ADGRL3: variants seen among roughly 807,000 people sequenced by gnomAD.
ADGRL3 encodes the protein calcium-independent alpha-latrotoxin receptor 3.
Under a neutral mutation model 153.5 loss-of-function variants are expected in ADGRL3, and 62 were observed. The observed-to-expected ratio is 0.40, with a 90% CI of 0.33 to 0.50. ADGRL3 has a LOEUF of 0.50. Among genes scored for constraint, ADGRL3 ranks in the 20% least tolerant of loss-of-function variants. The pLI is 0.47. For missense variants in ADGRL3, 1,641 were observed against 1,859.4 expected, an observed-to-expected ratio of 0.88 and a Z score of 2.16; for synonymous variants, 710 against 672.5, an observed-to-expected ratio of 1.06 and a Z score of -0.86.
chr4:62,019,530 T>A (rs942973026), intron 21 of ADGRL3, among the ~76,000 whole-genome samples: 2 of 152,144 alleles, frequency 1.3e-5, no homozygotes, highest in African/African-American at 4.8e-5. Flanking sequence ...TTTGTTTAAA[T>A]GTTCTATAAT....
At chr4:61,991,396 G>A (rs1021347276) in intron 19 of ADGRL3, among the ~76,000 whole-genome samples, 2 of 151,760 alleles carry the variant, frequency 1.3e-5, no homozygotes, top group African/African-American at 4.8e-5. Flanking sequence ...ACATTTAGTA[G>A]TATTAATAAA....
At chr4:61,296,920 T>C (rs574608448) in intron 1 of ADGRL3, among the ~76,000 whole-genome samples, 1 of 152,302 alleles carries the variant, frequency 6.6e-6, no homozygotes, top group East Asian at 1.9e-4. Flanking sequence ...AATGCATTAC[T>C]ATGATATATT....
intron 4 of ADGRL3, among the ~76,000 whole-genome samples, chr4:61,529,866 A>T (rs1228071460): frequency 1.3e-5 from 2 of 152,172 alleles, no homozygotes; most frequent in African/African-American, 4.8e-5. Context: ...TTTAAAAGTA[A>T]AGAAACTAAA....
At chr4:61,333,817 T>A (rs1010134104) in intron 1 of ADGRL3, among the ~76,000 whole-genome samples, 7 of 152,146 alleles carry the variant, frequency 4.6e-5, no homozygotes, top group Non-Finnish European at 1.0e-4. Flanking sequence ...AGGCTCACTA[T>A]GTTGCCCAGG....
At chr4:61,329,944 C>A (rs2095538620) in intron 1 of ADGRL3, among the ~76,000 whole-genome samples, 1 of 152,104 alleles carries the variant, frequency 6.6e-6, no homozygotes, top group Non-Finnish European at 1.5e-5. Flanking sequence ...CCTTGAGGGC[C>A]TGGAATCAAG....
intron 2 of ADGRL3, among the ~76,000 whole-genome samples, chr4:61,392,708 A>AAAAAAAAATT (rs1560565678): frequency 2.2e-5 from 2 of 92,800 alleles, no homozygotes; most frequent in Admixed American, 3.5e-4. Context: ...AAAAAAAAAG[A>AAAAAAAAATT]AAAAGGAAAA....
chr4:61,741,412 T>G (rs1199089131), intron 8 of ADGRL3, among the ~76,000 whole-genome samples: 1 of 152,248 alleles, frequency 6.6e-6, no homozygotes, highest in Non-Finnish European at 1.5e-5. Context: ...TTCAGCCCTA[T>G]CTGTATTTTT....
In ADGRL3 at chr4:61,746,385, C is replaced by A. The variant is rs899632184; in HGVS notation, c.1399+12831C>A. 8.5e-5 allele frequency among the ~76,000 whole-genome samples: 13 copies of A among 152,122 alleles called. 1 individual carries two copies. The highest frequency in any genetic ancestry group is 3.1e-4 in the African/African-American group (13 of 41,402). The stretch of plus-strand genomic sequence containing the variant: ...ATACCCATCTACAGAACTCTCCACC[C>A]CAAATCAACAGAATATACATTTTTT... On this transcript the variant is annotated intron_variant, in intron 8 of 26. Coordinates refer to ENST00000683033, the MANE Select transcript of ADGRL3 (RefSeq NM_001387552.1).
chr4:61,787,093 T>A (rs2097285289), intron 8 of ADGRL3, among the ~76,000 whole-genome samples: 1 of 152,052 alleles, frequency 6.6e-6, no homozygotes, highest in African/African-American at 2.4e-5. Context: ...CCTTGAGAGG[T>A]TGCTAGAAGC....
rs1581684634 is a variant in ADGRL3 at position 61,969,964 on chromosome 4, G to A, written c.2806-9599G>A. The stretch of plus-strand genomic sequence containing the variant: ...TGAAATCTGAGGCTTTTTATGTCTT[G>A]GAGAAGGGTTTTCCAGAAAGCAAAA... On this transcript the variant is annotated intron_variant, in intron 17 of 26. Coordinates refer to ENST00000683033, the MANE Select transcript of ADGRL3 (RefSeq NM_001387552.1). Among the ~76,000 whole-genome samples, 4 of 152,096 alleles carry A rather than the reference G, an allele frequency of 2.6e-5. No homozygotes were observed. In the South Asian group the frequency reaches 6.2e-4, roughly 24 times the overall value.
rs189476346 is a variant in ADGRL3 at position 61,543,976 on chromosome 4, T to A, written c.259+26458T>A. On this transcript the variant is annotated intron_variant, in intron 4 of 26. Coordinates refer to ENST00000683033, the MANE Select transcript of ADGRL3 (RefSeq NM_001387552.1). ...TCTGCTCATATTAGTCCACTCTGTG[T>A]TTGTATCACAGTCTACTTATGTGAT... is the stretch of plus-strand genomic sequence containing the variant. 1.6e-4 allele frequency among the ~76,000 whole-genome samples: 24 copies of A among 152,324 alleles called. No homozygotes were observed. In the East Asian group the frequency reaches 4.4e-3, roughly 28 times the overall value.
chr4:61,946,979 A>C lies in ADGRL3; in HGVS notation c.2485A>C (p.Ser829Arg), dbSNP rs546934270. 6.2e-7 allele frequency: 1 copy of C among 1,613,870 alleles called. No individual in the cohort carries two copies. Among genetic ancestry groups the C allele is most frequent in the African/African-American group, 1.3e-5 (1 of 75,044 alleles). Reference sequence around the variant, plus strand: ...TCCTTATTTATCCACGGAGAATGCCAGTATGAAGTTGGGAACGGAAGCTTT... The same window carrying C: ...TCCTTATTTATCCACGGAGAATGCCCGTATGAAGTTGGGAACGGAAGCTTT... ...LGPYLSTENA[S>R]MKLGTEALST... is the part of the protein sequence containing the mutation. Residue 829 changes from serine to arginine, a missense_variant, in exon 16 of 27, where the codon AGT (serine) becomes CGT (arginine). Ser to Arg is a moderately radical substitution (Grantham distance 110). This residue lies in a region of ADGRL3 where 734 missense variants were observed against 797.0 expected (regional missense o/e 0.92). Coordinates refer to ENST00000683033, the MANE Select transcript of ADGRL3 (RefSeq NM_001387552.1).
At chr4:61,454,608 A>G (rs748275380) in intron 2 of ADGRL3, among the ~76,000 whole-genome samples, 1 of 152,144 alleles carries the variant, frequency 6.6e-6, no homozygotes, top group African/African-American at 2.4e-5. Flanking sequence ...CTTATTTTGC[A>G]TATAGTCTGT....
intron 17 of ADGRL3, 71 bp from the exon 18 acceptor site, chr4:61,979,492 C>G: frequency 8.2e-7 from 1 of 1,215,234 alleles, no homozygotes. Context: ...CTTTGTGCAT[C>G]CAGGCCCTTA....
intron 9 of ADGRL3, among the ~76,000 whole-genome samples, chr4:61,831,248 A>G (rs1021449583): frequency 6.6e-6 from 1 of 151,994 alleles, no homozygotes; most frequent in Non-Finnish European, 1.5e-5. Context: ...GACAACTTTC[A>G]TAGTATCATT....
At chr4:61,561,331 A>G (rs555567081) in intron 4 of ADGRL3, among the ~76,000 whole-genome samples, 2 of 152,306 alleles carry the variant, frequency 1.3e-5, no homozygotes, top group South Asian at 4.1e-4. Flanking sequence ...TATATGTTGG[A>G]AAATGATAGA....
intron 1 of ADGRL3, among the ~76,000 whole-genome samples, chr4:61,292,828 T>G (rs2094272382): frequency 6.6e-6 from 1 of 152,124 alleles, no homozygotes; most frequent in Non-Finnish European, 1.5e-5. Context: ...CCCTTCAGAT[T>G]GCACCACTGG....
rs188633436 is a variant in ADGRL3 at position 61,297,591 on chromosome 4, T to C, written c.-239-85533T>C. Among the ~76,000 whole-genome samples, 5 of 152,188 alleles carry C rather than the reference T, an allele frequency of 3.3e-5. No individual in the cohort carries two copies. In the East Asian group the frequency reaches 7.7e-4, roughly 23 times the overall value. On this transcript the variant is annotated intron_variant, in intron 1 of 26. Coordinates refer to ENST00000683033, the MANE Select transcript of ADGRL3 (RefSeq NM_001387552.1). Reference sequence around the variant, plus strand: ...TTTTTTTCCTTGTTTTTTACTTGAGTCATATGACTTTAATTGAAGGCACAA... The same window carrying C: ...TTTTTTTCCTTGTTTTTTACTTGAGCCATATGACTTTAATTGAAGGCACAA...
chr4:61,999,892 T>C (rs1274447665), intron 21 of ADGRL3, among the ~76,000 whole-genome samples: 5 of 152,270 alleles, frequency 3.3e-5, no homozygotes, highest in Non-Finnish European at 7.4e-5. Context: ...GTGATAGTCT[T>C]TTGTAATTCT....
Sources: allele counts gnomAD v4.1 joint callset (sites outside exome capture counted in the v4.1 genomes callset), GRCh38; gene constraint gnomAD v4.1.1; regional missense constraint gnomAD v4.1.1; transcripts MANE v1.5; gene names NCBI Gene and HGNC (gene_info 2026-07-23, HGNC 2026-07-21).